The following MACROD2 variants were observed in gnomAD, a reference collection of about 807,000 sequenced individuals.
MACROD2 encodes ADP-ribose glycohydrolase MACROD2.
MACROD2 carries 36 observed loss-of-function variants against 70.4 expected under a neutral mutation model. The observed-to-expected ratio is 0.51, with a 90% CI of 0.39 to 0.68. MACROD2 has a LOEUF of 0.68. MACROD2 is among the 30% of genes least tolerant of loss of function. MACROD2 has a pLI of 0.00. For missense variants in MACROD2, 496 were observed against 538.4 expected (o/e 0.92, Z 0.78); for synonymous variants, 172 against 178.8 (o/e 0.96, Z 0.30).
intron 5 of MACROD2, among the ~76,000 whole-genome samples, chr20:15,024,993 C>T (rs1048052041): frequency 6.6e-6 from 1 of 152,124 alleles, no homozygotes; most frequent in Non-Finnish European, 1.5e-5. Context: ...AAGAAGATTT[C>T]TCACCATTAG....
At chr20:15,160,956 A>ATGGATCAAG (rs2076344020) in intron 5 of MACROD2, among the ~76,000 whole-genome samples, 1 of 142,750 alleles carries the variant, frequency 7.0e-6, no homozygotes, top group East Asian at 2.1e-4. Flanking sequence ...GGAAGTTAAC[A>ATGGATCAAG]TGGATCAAGG....
chr20:15,369,703 CAAAA>C (rs749790710), intron 6 of MACROD2, among the ~76,000 whole-genome samples: 21 of 151,924 alleles, frequency 1.4e-4, no homozygotes, highest in Admixed American at 7.2e-4. Flanking sequence ...GGGACTTTTG[CAAAA>C]AGAAGTGGAG....
At chr20:15,329,325 T>C (rs2077966568) in intron 6 of MACROD2, among the ~76,000 whole-genome samples, 1 of 152,044 alleles carries the variant, frequency 6.6e-6, no homozygotes, top group South Asian at 2.1e-4. Flanking sequence ...CTGTAGGTGA[T>C]TTAGGGTGAC....
intron 6 of MACROD2, among the ~76,000 whole-genome samples, chr20:15,324,352 A>AAG (rs913875955): frequency 6.6e-6 from 1 of 152,116 alleles, no homozygotes; most frequent in African/African-American, 2.4e-5. Flanking sequence ...TATCCTCAAG[A>AAG]AGAAGTTTAC....
chr20:15,980,140 A>G lies in MACROD2; in HGVS notation c.986-6587A>G, dbSNP rs532015544. Among the ~76,000 whole-genome samples, 8 of 152,356 alleles carry G rather than the reference A, an allele frequency of 5.3e-5. No homozygotes were observed. The East Asian group carries it at 1.2e-3, about 22-fold the overall frequency. Reference sequence around the variant, plus strand: ...GCAGAGAGTTTCACAATAGTCTTCTATACAATGTCTGGAATCTATGAATAA... The same window carrying G: ...GCAGAGAGTTTCACAATAGTCTTCTGTACAATGTCTGGAATCTATGAATAA... On this transcript the variant is annotated intron_variant, in intron 13 of 17. Coordinates refer to ENST00000684519, the MANE Select transcript of MACROD2 (RefSeq NM_001351661.2).
chr20:14,596,412 CA>C (rs1982146607), intron 4 of MACROD2, among the ~76,000 whole-genome samples: 3 of 143,030 alleles, frequency 2.1e-5, no homozygotes, highest in Non-Finnish European at 4.6e-5. Context: ...ATTTTTTAAA[CA>C]TATATATATA....
chr20:14,481,238 A>G (rs1417494569), intron 3 of MACROD2, among the ~76,000 whole-genome samples: 1 of 152,166 alleles, frequency 6.6e-6, no homozygotes, highest in Non-Finnish European at 1.5e-5. Context: ...CAAGTCTTTC[A>G]GCATTGATAA....
intron 4 of MACROD2, among the ~76,000 whole-genome samples, chr20:14,617,027 C>A (rs986678289): frequency 1.3e-5 from 2 of 152,112 alleles, no homozygotes; most frequent in Non-Finnish European, 2.9e-5. Flanking sequence ...ATCTAGGTTA[C>A]AGTCCCCAAA....
chr20:15,047,507 G>A (rs541573018), intron 5 of MACROD2, among the ~76,000 whole-genome samples: 5 of 152,212 alleles, frequency 3.3e-5, no homozygotes, highest in Non-Finnish European at 5.9e-5. Context: ...TGTCAGGGTA[G>A]TTTTAAATGA....
At chr20:15,840,897 A>G (rs997621441) in intron 8 of MACROD2, among the ~76,000 whole-genome samples, 4 of 152,152 alleles carry the variant, frequency 2.6e-5, no homozygotes, top group African/African-American at 9.7e-5. Context: ...TCTGAGAGGG[A>G]TTGTTTTTGT....
intron 4 of MACROD2, among the ~76,000 whole-genome samples, chr20:14,641,476 A>C (rs1202460658): frequency 6.6e-6 from 1 of 152,232 alleles, no homozygotes; most frequent in Non-Finnish European, 1.5e-5. Flanking sequence ...GAAGGTTTTC[A>C]GTGTCCTTTG....
At chr20:14,593,828 T>C (rs1981938610) in intron 4 of MACROD2, among the ~76,000 whole-genome samples, 1 of 152,198 alleles carries the variant, frequency 6.6e-6, no homozygotes, top group Non-Finnish European at 1.5e-5. Context: ...GAAATCATGT[T>C]GTTTTGAAAA....
intron 3 of MACROD2, among the ~76,000 whole-genome samples, chr20:14,190,011 G>C (rs887668377): frequency 2.0e-5 from 3 of 152,108 alleles, no homozygotes; most frequent in Admixed American, 6.5e-5. Flanking sequence ...GCAGCATTAA[G>C]GAATTTCATA....
At chr20:14,289,310 A>G (rs2082367412) in intron 3 of MACROD2, among the ~76,000 whole-genome samples, 1 of 152,136 alleles carries the variant, frequency 6.6e-6, no homozygotes, top group Admixed American at 6.5e-5. Flanking sequence ...CAGTCTCCAC[A>G]CCTATAATCT....
intron 5 of MACROD2, among the ~76,000 whole-genome samples, chr20:14,716,123 A>G (rs766640676): frequency 2.6e-5 from 4 of 152,316 alleles, no homozygotes; most frequent in Non-Finnish European, 5.9e-5. Context: ...CAGTCTGCCT[A>G]GAGTTTTTCC....
intron 6 of MACROD2, among the ~76,000 whole-genome samples, chr20:15,270,154 CTTT>C (rs3045758): frequency 4.2e-4 from 50 of 118,238 alleles, no homozygotes; most frequent in African/African-American, 5.1e-4. Flanking sequence ...CTGACACAGC[CTTT>C]TTTTTTTTTT....
At chr20:15,549,178 C>T (rs1344267756) in intron 8 of MACROD2, among the ~76,000 whole-genome samples, 1 of 152,200 alleles carries the variant, frequency 6.6e-6, no homozygotes, top group Non-Finnish European at 1.5e-5. Context: ...CAATATATGA[C>T]TGAGTTACTT....
intron 7 of MACROD2, among the ~76,000 whole-genome samples, chr20:15,478,939 C>G (rs969501981): frequency 6.6e-6 from 1 of 152,170 alleles, no homozygotes; most frequent in Non-Finnish European, 1.5e-5. Flanking sequence ...ACTGGCTCAT[C>G]AAGGTTAGCA....
intron 5 of MACROD2, among the ~76,000 whole-genome samples, chr20:15,036,099 C>T (rs1171456922): frequency 6.6e-6 from 1 of 152,110 alleles, no homozygotes; most frequent in Non-Finnish European, 1.5e-5. Flanking sequence ...ATGAATTTGT[C>T]TGTGTATTTA....
Sources: gnomAD v4.1 joint callset for allele counts (sites outside exome capture counted in the v4.1 genomes callset) on GRCh38, gnomAD v4.1.1 for gene constraint, MANE v1.5 for transcripts, NCBI Gene and HGNC (gene_info 2026-07-23, HGNC 2026-07-21) for gene names.